Variants in LHX1 observed in about 807,000 individuals in gnomAD.
LHX1 encodes LIM/homeobox protein Lhx1.
Under a neutral mutation model 34.1 loss-of-function variants are expected in LHX1, and 9 were observed. The ratio of observed to expected loss-of-function variants is 0.26; its 90% confidence interval spans 0.16 to 0.46. The LOEUF is 0.46. Ranked by LOEUF, LHX1 falls within the 20% of genes least tolerant of loss-of-function variation. The pLI, the probability that LHX1 is intolerant of heterozygous loss-of-function variation, is 1.00. For missense variants in LHX1, 446 were observed against 559.1 expected (o/e 0.80, Z 2.04); for synonymous variants, 254 against 241.5 (o/e 1.05, Z -0.48).
Position 36,937,900 on chromosome 17 carries a change from T to G in LHX1, c.-298T>G. The G allele has an allele frequency of 1.7e-6, 1 of 602,822 alleles. No homozygotes were observed. Among genetic ancestry groups the G allele is most frequent in the Non-Finnish European group, 3.1e-6 (1 of 327,150 alleles). 37.3% of individuals were successfully genotyped at this position (602,822 alleles called of 1,614,324 possible). A position where few individuals can be genotyped will look rare whatever the true frequency, so the allele number is the denominator to read the frequency against. ...CGGGCTCTGAGCAGAAGGGTCGCATTCTCTCCCGCCTGAGACTTCTTTTCC... is the reference window on the plus strand; with the variant it reads ...CGGGCTCTGAGCAGAAGGGTCGCATGCTCTCCCGCCTGAGACTTCTTTTCC... On this transcript the variant is annotated 5_prime_UTR_variant, in exon 1 of 5. It adds an upstream start codon to the 5' untranslated region. Coordinates refer to ENST00000614239, the MANE Select transcript of LHX1 (RefSeq NM_005568.5).
At position 36,937,681 on chromosome 17, in the gene LHX1, C is replaced by T; in HGVS notation, c.-517C>T. The T allele has an allele frequency of 2.5e-6, 1 of 394,358 alleles. No homozygotes were observed. The highest frequency in any genetic ancestry group is 1.8e-5 in the South Asian group (1 of 57,010). The allele number at this position is 394,358 out of a possible 1,614,324, so 24.4% of individuals were successfully genotyped here. A position where few individuals can be genotyped will look rare whatever the true frequency, so the allele number is the denominator to read the frequency against. On this transcript the variant is annotated 5_prime_UTR_variant, in exon 1 of 5. Coordinates refer to ENST00000614239, the MANE Select transcript of LHX1 (RefSeq NM_005568.5). ...GAAATCCCAGTGGTGGGCAGCCTGG[C>T]ACGCACACAGTCGCCCTCATACCCC...
chr17:36,938,105 G>A lies in LHX1; in HGVS notation c.-93G>A, dbSNP rs147921409. 27 of 1,250,406 alleles carry A rather than the reference G, an allele frequency of 2.2e-5. No homozygotes were observed. In the East Asian group the frequency reaches 5.8e-4, roughly 27 times the overall value. The allele number at this position is 1,250,406 out of a possible 1,614,324, so 77.5% of individuals were successfully genotyped here. On this transcript the variant is annotated 5_prime_UTR_variant, in exon 1 of 5. Coordinates refer to ENST00000614239, the MANE Select transcript of LHX1 (RefSeq NM_005568.5). ...TGTGTGTCCTCTTTTTGGAGAGACT[G>A]GGGAGCTCGTGCCGATTGTCTTCAG...
In LHX1 at chr17:36,938,119, G is replaced by T. The variant is rs1421363918; in HGVS notation, c.-79G>T. On this transcript the variant is annotated 5_prime_UTR_variant, in exon 1 of 5. Coordinates refer to ENST00000614239, the MANE Select transcript of LHX1 (RefSeq NM_005568.5). ...TTGGAGAGACTGGGGAGCTCGTGCC[G>T]ATTGTCTTCAGGAGTCATCCCCTGG... 6.3e-6 allele frequency: 9 copies of T among 1,426,228 alleles called. No individual in the cohort carries two copies. The highest frequency in any genetic ancestry group is 1.7e-5 in the Admixed American group (1 of 59,392). The allele number at this position is 1,426,228 out of a possible 1,614,324, so 88.3% of individuals were successfully genotyped here. A position where few individuals can be genotyped will look rare whatever the true frequency, so the allele number is the denominator to read the frequency against.
intron 3 of LHX1, chr17:36,941,132 G>T (rs2070762725): frequency 1.4e-6 from 1 of 727,752 alleles, no homozygotes; most frequent in South Asian, 1.5e-5. Flanking sequence ...CGGGAGTTCA[G>T]CCAGAGGCTG....
At position 36,938,282 on chromosome 17, in the gene LHX1, G is replaced by A; in HGVS notation, c.85G>A (p.Val29Ile). ...VLDRAWHVKCVQCCECKCNLT... is the reference protein window; with the variant it reads ...VLDRAWHVKCIQCCECKCNLT... ...GGACAGGGCCTGGCACGTCAAGTGC[G>A]TCCAGTGCTGTGAATGTAAATGCAA... The change falls in exon 1 of 5, where the codon GTC becomes ATC. Residue 29 changes from valine to isoleucine, a missense_variant. Val to Ile is a conservative substitution (Grantham distance 29). Coordinates refer to ENST00000614239, the MANE Select transcript of LHX1 (RefSeq NM_005568.5). The A allele has an allele frequency of 6.2e-7, 1 of 1,614,150 alleles. No homozygotes were observed. Among genetic ancestry groups the A allele is most frequent in the Non-Finnish European group, 8.5e-7 (1 of 1,179,964 alleles).
rs1486573634 is a variant in LHX1 at position 36,943,017 on chromosome 17, G to A, written c.1107G>A (p.Ser369=). The stretch of plus-strand genomic sequence containing the variant: ...TGCCCGGGCCTCTGCACTCCATGTC[G>A]GCCGAGGTCTTCGGACCCAGCCCGC... The part of the protein sequence containing the change: ...PSLPGPLHSM[S]AEVFGPSPPF... The change falls in exon 5 of 5, where the codon TCG becomes TCA. Residue 369 remains serine, a synonymous_variant. Transcript: ENST00000614239. 1 of 1,609,756 alleles carries A rather than the reference G, an allele frequency of 6.2e-7. No individual in the cohort carries two copies. Among genetic ancestry groups the A allele is most frequent in the East Asian group, 2.2e-5 (1 of 44,708 alleles).
At chr17:36,939,790 CGCCAACCCCAT>C (rs759031398) in intron 1 of LHX1, among the ~76,000 whole-genome samples, 106 of 152,380 alleles carry the variant, frequency 7.0e-4, no homozygotes, top group Middle Eastern at 3.4e-3. Flanking sequence ...GGCTAGACAT[CGCCAACCCCAT>C]GCCTATGTGC....
Position 36,938,098 on chromosome 17 carries a change from A to G in LHX1, c.-100A>G, listed in dbSNP as rs2070740610. 4.2e-6 allele frequency: 5 copies of G among 1,184,446 alleles called. No individual in the cohort carries two copies. In the South Asian group the frequency reaches 6.2e-5, roughly 15 times the overall value. The allele number at this position is 1,184,446 out of a possible 1,614,324, so 73.4% of individuals were successfully genotyped here. A position where few individuals can be genotyped will look rare whatever the true frequency, so the allele number is the denominator to read the frequency against. On this transcript the variant is annotated 5_prime_UTR_variant, in exon 1 of 5. Transcript: ENST00000614239. ...GGCCGAGTGTGTGTCCTCTTTTTGG[A>G]GAGACTGGGGAGCTCGTGCCGATTG...
Position 36,937,965 on chromosome 17 carries a change from C to T in LHX1, c.-233C>T. The T allele has an allele frequency of 6.6e-6, 4 of 601,576 alleles. No individual in the cohort carries two copies. The highest frequency in any genetic ancestry group is 3.9e-5 in the South Asian group (2 of 50,854). 37.3% of individuals were successfully genotyped at this position (601,576 alleles called of 1,614,324 possible). On this transcript the variant is annotated 5_prime_UTR_variant, in exon 1 of 5. Transcript: ENST00000614239. ...CAGGCGGCGCCGCTCCAGCCCGGGGCCCCGGGACTCCCCGGCTGCACACTT... is the reference window on the plus strand; with the variant it reads ...CAGGCGGCGCCGCTCCAGCCCGGGGTCCCGGGACTCCCCGGCTGCACACTT...
At position 36,938,010 on chromosome 17, in the gene LHX1, G is replaced by C; in HGVS notation, c.-188G>C. The C allele has an allele frequency of 1.6e-6, 1 of 632,362 alleles. No individual in the cohort carries two copies. The highest frequency in any genetic ancestry group is 2.8e-6 in the Non-Finnish European group (1 of 359,012). The allele number at this position is 632,362 out of a possible 1,614,324, so 39.2% of individuals were successfully genotyped here. A position where few individuals can be genotyped will look rare whatever the true frequency, so the allele number is the denominator to read the frequency against. On this transcript the variant is annotated 5_prime_UTR_variant, in exon 1 of 5. Transcript: ENST00000614239. The stretch of plus-strand genomic sequence containing the variant: ...ACACTTCACTGAGACGCCCCCCCAG[G>C]CCCCGATCAGCCTCGTTTCCTCCAC...
chr17:36,942,145 C>T, intron 3 of LHX1, 55 bp from the exon 4 acceptor site: 1 of 1,540,976 alleles, frequency 6.5e-7, no homozygotes, highest in Non-Finnish European at 8.7e-7. Context: ...GCCCGGAGCA[C>T]CCCGGGGTCG....
chr17:36,943,120 G>T lies in LHX1; in HGVS notation c.1210G>T (p.Ala404Ser), dbSNP rs750024218. 28 of 1,612,316 alleles carry T rather than the reference G, an allele frequency of 1.7e-5. 1 individual carries two copies. The Middle Eastern group carries it at 5.0e-4, about 29-fold the overall frequency. Residue 404 changes from alanine to serine, a missense_variant, in exon 5 of 5, where the codon GCC becomes TCC. Coordinates refer to ENST00000614239, the MANE Select transcript of LHX1 (RefSeq NM_005568.5). The stretch of plus-strand genomic sequence containing the variant: ...CCACCCCCCCGAAATGAACGAGGCG[G>T]CCGTGTGGTAGCGGGGTCTCGCACG... ...LSHPPEMNEAAVW is the reference protein window; with the variant it reads ...LSHPPEMNEASVW
rs371390635 is a variant in LHX1, at chr17:36,940,710, G to A, written c.498G>A (p.Ala166=). Residue 166 remains alanine, a synonymous_variant, in exon 3 of 5, where the codon GCG becomes GCA. Transcript: ENST00000614239. ...GCGCCAACGTGTCGGACAAGGAAGC[G>A]GGTAGCAACGAGAATGACGACCAGA... ...SESANVSDKE[A]GSNENDDQNL... 5.0e-6 allele frequency: 8 copies of A among 1,613,682 alleles called. No individual in the cohort carries two copies. Among genetic ancestry groups the A allele is most frequent in the South Asian group, 1.1e-5 (1 of 91,092 alleles).
chr17:36,940,026 C>G, intron 1 of LHX1: 1 of 590,390 alleles, frequency 1.7e-6, no homozygotes, highest in Non-Finnish European at 3.0e-6. Flanking sequence ...TAGCTTGGGC[C>G]CCTGGCTCTA....
In LHX1 at chr17:36,943,260, T is replaced by C; in HGVS notation, c.*129T>C. The stretch of plus-strand genomic sequence containing the variant: ...CCTCCAGCCTCGAGAACCATTCTCC[T>C]TCTGGGGAGACCGGATGGAAAAGGG... On this transcript the variant is annotated 3_prime_UTR_variant, in exon 5 of 5. Coordinates refer to ENST00000614239, the MANE Select transcript of LHX1 (RefSeq NM_005568.5). The C allele has an allele frequency of 8.8e-7, 1 of 1,130,808 alleles. No individual in the cohort carries two copies. Among genetic ancestry groups the C allele is most frequent in the Non-Finnish European group, 1.2e-6 (1 of 818,356 alleles). 70.0% of individuals were successfully genotyped at this position (1,130,808 alleles called of 1,614,324 possible). A position where few individuals can be genotyped will look rare whatever the true frequency, so the allele number is the denominator to read the frequency against.
In LHX1 at chr17:36,942,866, C is replaced by T. The variant is rs751748886; in HGVS notation, c.956C>T (p.Pro319Leu). The change falls in exon 5 of 5, where the codon CCG becomes CTG. Residue 319 changes from proline to leucine, a missense_variant. Around this residue, in one of 3 missense-constraint regions of LHX1, gnomAD observed 235 missense variants for 224.4 expected, o/e 1.05. Coordinates refer to ENST00000614239, the MANE Select transcript of LHX1 (RefSeq NM_005568.5). ...VDLPFVPSSG[P>L]SGTPLGGLEH... Reference sequence around the variant, plus strand: ...CTACCCTTCGTGCCGTCATCTGGGCCGTCCGGGACGCCCCTGGGTGGCCTG... The same window carrying T: ...CTACCCTTCGTGCCGTCATCTGGGCTGTCCGGGACGCCCCTGGGTGGCCTG... The T allele has an allele frequency of 1.9e-6, 3 of 1,592,230 alleles. No individual in the cohort carries two copies. Among genetic ancestry groups the T allele is most frequent in the Non-Finnish European group, 1.7e-6 (2 of 1,168,392 alleles).
Position 36,943,880 on chromosome 17 carries a change from A to G in LHX1, c.*749A>G, listed in dbSNP as rs1397283386. Reference sequence around the variant, plus strand: ...TCCAGCCAGACCGCTCAGTAAAATGACTTGAACATCAGCTGTACAAGAAAA... The same window carrying G: ...TCCAGCCAGACCGCTCAGTAAAATGGCTTGAACATCAGCTGTACAAGAAAA... On this transcript the variant is annotated 3_prime_UTR_variant, in exon 5 of 5. Coordinates refer to ENST00000614239, the MANE Select transcript of LHX1 (RefSeq NM_005568.5). 1.3e-5 allele frequency: 2 copies of G among 151,584 alleles called. No individual in the cohort carries two copies. Among genetic ancestry groups the G allele is most frequent in the Non-Finnish European group, 2.9e-5 (2 of 67,958 alleles). 9.4% of individuals were successfully genotyped at this position (151,584 alleles called of 1,614,324 possible).
chr17:36,938,589 A>C, intron 1 of LHX1: 1 of 634,204 alleles, frequency 1.6e-6, no homozygotes, highest in South Asian at 1.8e-5. Flanking sequence ...GTTTGGCTGC[A>C]TGTGCCTGGG....
Position 36,942,273 on chromosome 17 carries a change from C to A in LHX1, c.749C>A (p.Ala250Asp), listed in dbSNP as rs1415396570. ...AGCGCCCTGGGCGCCCGGCGCCACG[C>A]CTTCTTCCGCAGTCCGCGCCGGATG... ...QLSALGARRH[A>D]FFRSPRRMRP... is the part of the protein sequence containing the mutation. The change falls in exon 4 of 5, where the codon GCC (alanine) becomes GAC (aspartate). Residue 250 changes from alanine (A) to aspartate (D), a missense_variant. By Grantham distance (126) the Ala-to-Asp change is moderately radical. Around this residue, in one of 3 missense-constraint regions of LHX1, gnomAD observed 235 missense variants for 224.4 expected, o/e 1.05. Coordinates refer to ENST00000614239, the MANE Select transcript of LHX1 (RefSeq NM_005568.5). 1 of 1,598,822 alleles carries A rather than the reference C, an allele frequency of 6.3e-7. No individual in the cohort carries two copies. Among genetic ancestry groups the A allele is most frequent in the Non-Finnish European group, 8.5e-7 (1 of 1,174,432 alleles).
Sources: gnomAD v4.1 joint callset for allele counts (sites outside exome capture counted in the v4.1 genomes callset) on GRCh38, gnomAD v4.1.1 for gene constraint, gnomAD v4.1.1 regional missense constraint, MANE v1.5 for transcripts, NCBI Gene and HGNC (gene_info 2026-07-23, HGNC 2026-07-21) for gene names.